The following SNUPN variants were observed in gnomAD, a reference collection of about 807,000 sequenced individuals.
SNUPN encodes the protein snurportin 1, also known as snurportin-1.
SNUPN carries 31 observed loss-of-function variants against 39.2 expected under a neutral mutation model. The observed-to-expected ratio is 0.79, with a 90% CI of 0.59 to 1.07. SNUPN has a LOEUF of 1.07. SNUPN is among the 50% of genes least tolerant of loss of function. The probability of loss-of-function intolerance (pLI) is 0.00; values close to 1 mark genes in which losing one functional copy is unlikely to be tolerated. For synonymous variants in SNUPN, 132 were observed against 159.0 expected, an observed-to-expected ratio of 0.83 and a Z score of 1.28; for missense variants, 382 against 434.2, an observed-to-expected ratio of 0.88 and a Z score of 1.07.
At chr15:75,614,800 G>A (rs1892883551) in intron 3 of SNUPN, among the ~76,000 whole-genome samples, 1 of 152,206 alleles carries the variant, frequency 6.6e-6, no homozygotes, top group Non-Finnish European at 1.5e-5. Context: ...CTAAAAAATA[G>A]TAGTAGCAGC....
At chr15:75,622,367 G>T in intron 1 of SNUPN, 1 of 985,396 alleles carries the variant, frequency 1.0e-6, no homozygotes, top group Non-Finnish European at 1.2e-6. Context: ...GATGTGGAAG[G>T]CTGCTTAACA....
chr15:75,611,543 C>A (rs995489220), intron 3 of SNUPN, among the ~76,000 whole-genome samples: 1 of 151,822 alleles, frequency 6.6e-6, no homozygotes, highest in Middle Eastern at 3.4e-3. Flanking sequence ...TGAGCCACCA[C>A]GCCCGGCTCA....
rs1742568198 is a variant in SNUPN at position 75,607,265 on chromosome 15, T to C, written c.551A>G (p.Tyr184Cys). Reference protein sequence around the residue: ...CIYNEVNQTYYVLDVMCWRGH... With the variant: ...CIYNEVNQTYCVLDVMCWRGH... ...CCGCCAGCACATCACATCCAGAACG[T>C]AGTAGGTCTGGTTTACCTCATTGTA... The change falls in exon 6 of 9, where the codon TAC (tyrosine) becomes TGC (cysteine). Residue 184 changes from tyrosine (Y) to cysteine (C), a missense_variant. Tyr to Cys is a radical substitution (Grantham distance 194, BLOSUM62 -2). Transcript: ENST00000308588. The C allele has an allele frequency of 6.2e-6, 10 of 1,613,616 alleles. No homozygotes were observed. The highest frequency in any genetic ancestry group is 4.0e-5 in the African/African-American group (3 of 74,892).
At chr15:75,620,785 C>A in intron 2 of SNUPN, 109 bp downstream of exon 2, 2 of 994,360 alleles carry the variant, frequency 2.0e-6, no homozygotes, top group East Asian at 4.9e-5. Flanking sequence ...GATCAGCCTA[C>A]AAAGAGTCTA....
chr15:75,624,226 C>A (rs1261629375), intron 1 of SNUPN, among the ~76,000 whole-genome samples: 1 of 150,880 alleles, frequency 6.6e-6, no homozygotes, highest in Non-Finnish European at 1.5e-5. Context: ...CGCGCCCGGC[C>A]GATAAAAATT....
At chr15:75,604,162 T>A in intron 7 of SNUPN, among the ~76,000 whole-genome samples, 1 of 147,638 alleles carries the variant, frequency 6.8e-6, no homozygotes. Context: ...TTTAACTTTT[T>A]TTTTTTTTTT....
chr15:75,605,900 C>G (rs1201534648), intron 6 of SNUPN, among the ~76,000 whole-genome samples: 1 of 152,160 alleles, frequency 6.6e-6, no homozygotes, highest in Non-Finnish European at 1.5e-5. Flanking sequence ...ATGCCCAGCA[C>G]TTCGGTAGGC....
rs1433471822 is a variant in SNUPN, at chr15:75,598,395, TG to T, written c.1045del (p.His349IlefsTer37). 3 of 1,614,146 alleles carry T rather than the reference TG, an allele frequency of 1.9e-6. No individual in the cohort carries two copies. In the African/African-American group the frequency reaches 4.0e-5, roughly 22 times the overall value. On this transcript the variant is annotated frameshift_variant, in exon 9 of 9. Coordinates refer to ENST00000308588, the MANE Select transcript of SNUPN (RefSeq NM_005701.4). LOFTEE classifies it high-confidence loss of function. ...GAGGCATCCAGGGTGGTCTGGGCTA[TG>T]GGAAGAACCCTTCAACTTGGGAGTA... ...LSTPKLKGSS[H>X]SPDHPGCLME...
intron 7 of SNUPN, among the ~76,000 whole-genome samples, chr15:75,603,204 C>T (rs1399925078): frequency 2.0e-5 from 3 of 151,586 alleles, no homozygotes; most frequent in Admixed American, 1.3e-4. Flanking sequence ...CCCACCACCA[C>T]GACCGGCTAA....
intron 2 of SNUPN, among the ~76,000 whole-genome samples, chr15:75,619,410 G>C (rs1482414037): frequency 6.6e-6 from 1 of 152,112 alleles, no homozygotes; most frequent in Non-Finnish European, 1.5e-5. Context: ...GGGAGGTCAA[G>C]GTGGGAGGAT....
intron 3 of SNUPN, among the ~76,000 whole-genome samples, chr15:75,612,101 C>T (rs1407012330): frequency 6.7e-6 from 1 of 149,510 alleles, no homozygotes; most frequent in Admixed American, 6.7e-5. Context: ...GGCACAATCT[C>T]GGTTCACTGC....
At chr15:75,606,074 T>C (rs1380352434) in intron 6 of SNUPN, among the ~76,000 whole-genome samples, 1 of 152,036 alleles carries the variant, frequency 6.6e-6, no homozygotes, top group African/African-American at 2.4e-5. Flanking sequence ...GAACCCAGGA[T>C]GCGGAGGTTG....
intron 7 of SNUPN, among the ~76,000 whole-genome samples, chr15:75,603,651 ACT>A (rs1469123680): frequency 1.3e-4 from 18 of 134,554 alleles, no homozygotes; most frequent in Admixed American, 1.1e-3. Context: ...ACGGAGCGAG[ACT>A]CTGTCTCAAA....
At chr15:75,618,421 C>CA (rs1892989581) in intron 2 of SNUPN, among the ~76,000 whole-genome samples, 1 of 151,488 alleles carries the variant, frequency 6.6e-6, no homozygotes, top group Non-Finnish European at 1.5e-5. Context: ...GTCTAACTTT[C>CA]AAAAAAGGTC....
chr15:75,623,828 C>A (rs937129844), intron 1 of SNUPN, among the ~76,000 whole-genome samples: 1 of 152,028 alleles, frequency 6.6e-6, no homozygotes, highest in African/African-American at 2.4e-5. Flanking sequence ...TGCTTGGGAT[C>A]CATATGGTAT....
intron 3 of SNUPN, among the ~76,000 whole-genome samples, chr15:75,610,251 T>A (rs1892744430): frequency 6.6e-6 from 1 of 151,628 alleles, no homozygotes; most frequent in African/African-American, 2.4e-5. Flanking sequence ...ATATAAAAAA[T>A]TAGCTGGGTG....
intron 3 of SNUPN, among the ~76,000 whole-genome samples, chr15:75,610,846 C>T (rs1892759889): frequency 6.6e-6 from 1 of 152,202 alleles, no homozygotes; most frequent in Admixed American, 6.5e-5. Flanking sequence ...AAGACAAACT[C>T]TTCCACTCAG....
At position 75,605,223 on chromosome 15, in the gene SNUPN, T is replaced by C; in HGVS notation, c.605A>G (p.Asp202Gly). The change falls in exon 7 of 9, where the codon GAT becomes GGT. Residue 202 changes from aspartate to glycine, a missense_variant. By Grantham distance (94) the Asp-to-Gly change is moderately conservative. Coordinates refer to ENST00000308588, the MANE Select transcript of SNUPN (RefSeq NM_005701.4). ...TGAATGCATCCAGTAGAATCGGAAA[T>C]CAGTCTGCCACAGAGAAGGGAAACA... ...RGHPFYDCQT[D>G]FRFYWMHSKL... 6.2e-7 allele frequency: 1 copy of C among 1,610,604 alleles called. No homozygotes were observed. Among genetic ancestry groups the C allele is most frequent in the Non-Finnish European group, 8.5e-7 (1 of 1,177,248 alleles).
intron 7 of SNUPN, among the ~76,000 whole-genome samples, chr15:75,601,803 T>C (rs2075289817): frequency 6.6e-6 from 1 of 151,650 alleles, no homozygotes; most frequent in Non-Finnish European, 1.5e-5. Context: ...AGAAGAAAAG[T>C]TTTCAGTCTC....
Sources: allele counts gnomAD v4.1 joint callset (sites outside exome capture counted in the v4.1 genomes callset), GRCh38; gene constraint gnomAD v4.1.1; transcripts MANE v1.5; gene names NCBI Gene and HGNC (gene_info 2026-07-23, HGNC 2026-07-21).